Variants in ARB2A observed in about 807,000 individuals in gnomAD.
The protein encoded by ARB2A is cotranscriptional regulator ARB2A.
chr5:93,697,445 G>A, the ARB2A span, among the ~76,000 whole-genome samples: 3 of 152,008 alleles, frequency 2.0e-5, no homozygotes, highest in African/African-American at 7.3e-5. Flanking sequence ...CTTACAAACA[G>A]CAGACTGAAT....
the ARB2A span, among the ~76,000 whole-genome samples, chr5:94,023,949 G>A: frequency 1.3e-5 from 2 of 152,154 alleles, no homozygotes; most frequent in Admixed American, 6.5e-5. Context: ...AAGATAGAAA[G>A]AAATGGTGGG....
chr5:94,039,101 G>T, the ARB2A span, among the ~76,000 whole-genome samples: 1 of 152,040 alleles, frequency 6.6e-6, no homozygotes, highest in Non-Finnish European at 1.5e-5. Context: ...AAATACAAAG[G>T]TTTATCTGTT....
the ARB2A span, among the ~76,000 whole-genome samples, chr5:93,799,422 C>G: frequency 6.6e-6 from 1 of 152,030 alleles, no homozygotes. Flanking sequence ...TCCATCTTTT[C>G]TATAGACATA....
At chr5:94,069,039 A>AAAGAT in the ARB2A span, among the ~76,000 whole-genome samples, 1 of 140,296 alleles carries the variant, frequency 7.1e-6, no homozygotes, top group African/African-American at 2.7e-5. Context: ...CTGTCTTAAA[A>AAAGAT]AGATAGATAG....
chr5:93,942,287 C>T, the ARB2A span, among the ~76,000 whole-genome samples: 403 of 152,234 alleles, frequency 2.6e-3, 2 homozygotes, highest in African/African-American at 9.6e-3. Flanking sequence ...ATGTGCTAAG[C>T]TTTTAACCTT....
At chr5:93,620,817 T>C in the ARB2A span, 14 of 820,908 alleles carry the variant, frequency 1.7e-5, no homozygotes, top group South Asian at 3.3e-4. Context: ...GCTTTGACAG[T>C]TGCACTCATC....
the ARB2A span, among the ~76,000 whole-genome samples, chr5:94,029,191 C>T: frequency 6.6e-6 from 1 of 152,068 alleles, no homozygotes; most frequent in East Asian, 1.9e-4. Flanking sequence ...GGGGTTTTGC[C>T]ATGCTGGCCA....
the ARB2A span, among the ~76,000 whole-genome samples, chr5:93,772,127 T>TA: frequency 6.6e-6 from 1 of 152,172 alleles, no homozygotes; most frequent in African/African-American, 2.4e-5. Context: ...TATGCAGCCG[T>TA]AAAAAATGAT....
chr5:93,649,009 G>A, the ARB2A span, among the ~76,000 whole-genome samples: 1 of 152,124 alleles, frequency 6.6e-6, no homozygotes, highest in African/African-American at 2.4e-5. Context: ...TTCTACCTAT[G>A]TTTGTTACAG....
the ARB2A span, among the ~76,000 whole-genome samples, chr5:93,761,251 G>A: frequency 6.6e-6 from 1 of 152,114 alleles, no homozygotes; most frequent in African/African-American, 2.4e-5. Flanking sequence ...GCCAAAGCAG[G>A]GTGAGGTATC....
the ARB2A span, chr5:94,074,581 TA>T: frequency 8.0e-7 from 1 of 1,254,084 alleles, no homozygotes; most frequent in Non-Finnish European, 1.1e-6. Flanking sequence ...GAAGGTCACC[TA>T]AATATTCCTA....
At chr5:94,082,090 T>TA in the ARB2A span, among the ~76,000 whole-genome samples, 1 of 152,286 alleles carries the variant, frequency 6.6e-6, no homozygotes, top group African/African-American at 2.4e-5. Context: ...GAGCATTATA[T>TA]AAAGATTTTG....
chr5:93,748,880 T>C, the ARB2A span, among the ~76,000 whole-genome samples: 2 of 152,198 alleles, frequency 1.3e-5, no homozygotes, highest in African/African-American at 4.8e-5. Context: ...GATCAGTACT[T>C]GCCTTCTTTT....
At chr5:93,989,318 ATAAC>A in the ARB2A span, among the ~76,000 whole-genome samples, 2 of 152,218 alleles carry the variant, frequency 1.3e-5, no homozygotes, top group African/African-American at 4.8e-5. Context: ...AAATATAACT[ATAAC>A]TACTATATAT....
the ARB2A span, among the ~76,000 whole-genome samples, chr5:93,952,087 C>T: frequency 1.3e-5 from 2 of 152,138 alleles, no homozygotes; most frequent in African/African-American, 4.8e-5. Context: ...TGGAAGTTGC[C>T]ACCTTTGTAA....
the ARB2A span, among the ~76,000 whole-genome samples, chr5:94,078,608 G>A: frequency 6.6e-6 from 1 of 152,074 alleles, no homozygotes; most frequent in Non-Finnish European, 1.5e-5. Context: ...AGAAAATGGT[G>A]GCTTTTATAA....
chr5:93,975,635 C>A, the ARB2A span, among the ~76,000 whole-genome samples: 1 of 151,912 alleles, frequency 6.6e-6, no homozygotes, highest in South Asian at 2.1e-4. Context: ...ATAAAAGATC[C>A]TCAGAGACTA....
At chr5:93,731,660 T>C in the ARB2A span, among the ~76,000 whole-genome samples, 3 of 152,162 alleles carry the variant, frequency 2.0e-5, no homozygotes, top group African/African-American at 7.2e-5. Context: ...TTATCATCCA[T>C]TCTAAAATAA....
the ARB2A span, chr5:94,055,937 T>C: frequency 1.0e-6 from 1 of 982,650 alleles, no homozygotes; most frequent in Non-Finnish European, 1.2e-6. Flanking sequence ...TATATCACTT[T>C]AAAGATTTCA....
Sources: allele counts gnomAD v4.1 joint callset (sites outside exome capture counted in the v4.1 genomes callset), GRCh38; gene constraint gnomAD v4.1.1; transcripts MANE v1.5; gene names NCBI Gene and HGNC (gene_info 2026-07-23, HGNC 2026-07-21).